Variants in NCAM2 observed in about 807,000 individuals in gnomAD.
NCAM2 encodes the protein N-CAM-2.
NCAM2 carries 30 observed loss-of-function variants against 98.1 expected under a neutral mutation model. The ratio of observed to expected loss-of-function variants is 0.31; its 90% CI spans 0.23 to 0.41. The LOEUF is 0.41. Among genes scored for constraint, NCAM2 ranks in the 10% least tolerant of loss-of-function variants. NCAM2 has a pLI of 1.00. For missense variants in NCAM2, 867 were observed against 1,005.8 expected (o/e 0.86, Z 1.87); for synonymous variants, 368 against 342.4 (o/e 1.07, Z -0.83).
At chr21:21,094,892 G>A (rs548526015) in intron 1 of NCAM2, among the ~76,000 whole-genome samples, 8 of 151,836 alleles carry the variant, frequency 5.3e-5, no homozygotes, top group Non-Finnish European at 7.4e-5. Flanking sequence ...AGTGCATAAT[G>A]AAGAATATTG....
intron 16 of NCAM2, among the ~76,000 whole-genome samples, chr21:21,521,212 G>C (rs950894021): frequency 3.9e-5 from 6 of 152,080 alleles, no homozygotes; most frequent in African/African-American, 1.2e-4. Flanking sequence ...GCTGTGGGAG[G>C]ATCTGAGAAA....
At chr21:21,225,955 C>T (rs1435167353) in intron 1 of NCAM2, among the ~76,000 whole-genome samples, 1 of 152,076 alleles carries the variant, frequency 6.6e-6, no homozygotes, top group Non-Finnish European at 1.5e-5. Context: ...GGTACATACA[C>T]ACCATAGAAT....
In NCAM2 at chr21:21,410,376, A is replaced by T; in HGVS notation, c.1298A>T (p.His433Leu). Residue 433 changes from histidine (H) to leucine (L), a missense_variant, in exon 10 of 18, where the codon CAC becomes CTC. Physicochemically the swap from His to Leu is moderately conservative, Grantham distance 99. This residue lies in a region of NCAM2 where 56 missense variants were observed against 39.6 expected (regional missense o/e 1.41). Coordinates refer to ENST00000400546, the MANE Select transcript of NCAM2 (RefSeq NM_004540.5). ...AAATCGAATCCACCAGCATCAATTC[A>T]CTGGAGAAGAGATAAATTAGTCTTA... The part of the protein sequence containing the change: ...DVKSNPPASI[H>L]WRRDKLVLPA... The T allele has an allele frequency of 1.9e-6, 3 of 1,601,532 alleles. No individual in the cohort carries two copies. The highest frequency in any genetic ancestry group is 2.6e-6 in the Non-Finnish European group (3 of 1,172,286).
chr21:21,358,142 GA>G (rs1184065971), intron 8 of NCAM2, among the ~76,000 whole-genome samples: 1 of 152,050 alleles, frequency 6.6e-6, no homozygotes, highest in Non-Finnish European at 1.5e-5. Flanking sequence ...ATTTTCATTC[GA>G]TGTGATGTTG....
At position 21,292,125 on chromosome 21, in the gene NCAM2, A is replaced by G; in HGVS notation, c.503A>G (p.Asn168Ser). Reference sequence around the variant, plus strand: ...CCAGATCGGTTCGCTATGTTAGCAAACAATAACCTGCAGATTCTCAACATC... The same window carrying G: ...CCAGATCGGTTCGCTATGTTAGCAAGCAATAACCTGCAGATTCTCAACATC... Reference protein sequence around the residue: ...ISDNRFAMLANNNLQILNINK... With the variant: ...ISDNRFAMLASNNLQILNINK... Residue 168 changes from asparagine (N) to serine (S), a missense_variant, in exon 5 of 18, where the codon AAC becomes AGC. Asn to Ser is a conservative substitution (Grantham distance 46). Coordinates refer to ENST00000400546, the MANE Select transcript of NCAM2 (RefSeq NM_004540.5). 1 of 1,610,630 alleles carries G rather than the reference A, an allele frequency of 6.2e-7. No homozygotes were observed. The highest frequency in any genetic ancestry group is 8.5e-7 in the Non-Finnish European group (1 of 1,178,214).
chr21:21,508,799 C>CT (rs1255792337), intron 15 of NCAM2, 52 bp from the exon 16 acceptor site: 38 of 1,020,140 alleles, frequency 3.7e-5, no homozygotes, highest in Non-Finnish European at 4.8e-5. Context: ...AGGTTTAATA[C>CT]TTTTTTTCCT....
At chr21:21,305,333 TAAC>T (rs1028345274) in intron 5 of NCAM2, among the ~76,000 whole-genome samples, 1 of 151,864 alleles carries the variant, frequency 6.6e-6, no homozygotes, top group Non-Finnish European at 1.5e-5. Context: ...ATAATAATAA[TAAC>T]AATAAAAATA....
intron 15 of NCAM2, among the ~76,000 whole-genome samples, chr21:21,494,315 T>C (rs1455685888): frequency 6.6e-6 from 1 of 151,916 alleles, no homozygotes. Flanking sequence ...AATAATTTTG[T>C]TTGTACAATG....
chr21:21,093,634 G>C (rs2066058784), intron 1 of NCAM2, among the ~76,000 whole-genome samples: 2 of 151,996 alleles, frequency 1.3e-5, no homozygotes, highest in East Asian at 1.9e-4. Context: ...TTCTAGAATT[G>C]CAGGTGTGAT....
intron 1 of NCAM2, among the ~76,000 whole-genome samples, chr21:21,179,339 T>A (rs1269958381): frequency 6.6e-6 from 1 of 152,198 alleles, no homozygotes; most frequent in Admixed American, 6.5e-5. Flanking sequence ...GTCTACTTAT[T>A]TCTTATGCTG....
At chr21:21,403,619 T>C (rs775421459) in intron 9 of NCAM2, among the ~76,000 whole-genome samples, 4 of 152,204 alleles carry the variant, frequency 2.6e-5, no homozygotes, top group Non-Finnish European at 4.4e-5. Context: ...TTTGAATTAT[T>C]AGTGTACAAT....
chr21:21,182,061 T>C (rs1024060215), intron 1 of NCAM2, among the ~76,000 whole-genome samples: 12 of 151,348 alleles, frequency 7.9e-5, no homozygotes, highest in Admixed American at 3.3e-4. Flanking sequence ...AAAATATTGC[T>C]CATTACTGTA....
intron 1 of NCAM2, among the ~76,000 whole-genome samples, chr21:21,261,448 A>C (rs1257955918): frequency 6.6e-6 from 1 of 152,110 alleles, no homozygotes; most frequent in African/African-American, 2.4e-5. Flanking sequence ...ATGCTTGGTA[A>C]TCAAGCCAGT....
At position 21,264,637 on chromosome 21, in the gene NCAM2, G is replaced by T. The variant is rs560024806; in HGVS notation, c.56-15941G>T. 1.0e-3 allele frequency among the ~76,000 whole-genome samples: 153 copies of T among 150,872 alleles called. 1 individual carries two copies. The highest frequency in any genetic ancestry group is 1.7e-3 in the Admixed American group (25 of 15,138). ...GGATTATATAAATGAAATGTGATGT[G>T]TATGTATGTGTGTGTGCATATATAT... On this transcript the variant is annotated intron_variant, in intron 1 of 17. Coordinates refer to ENST00000400546, the MANE Select transcript of NCAM2 (RefSeq NM_004540.5).
chr21:21,093,665 T>TA (rs1181079606), intron 1 of NCAM2, among the ~76,000 whole-genome samples: 1 of 151,966 alleles, frequency 6.6e-6, no homozygotes, highest in African/African-American at 2.4e-5. Flanking sequence ...TTTTTCTGCT[T>TA]AAAAAAATAG....
At position 21,442,326 on chromosome 21, in the gene NCAM2, G is replaced by C. The variant is rs573399334; in HGVS notation, c.1654+10045G>C. ...ATTCTAGACATATTTTAAAGGTAGT[G>C]TCCAGAGAATTTCCTTAGATGCGTA... On this transcript the variant is annotated intron_variant, in intron 12 of 17. Coordinates refer to ENST00000400546, the MANE Select transcript of NCAM2 (RefSeq NM_004540.5). 3.5e-4 allele frequency among the ~76,000 whole-genome samples: 54 copies of C among 152,262 alleles called. No individual in the cohort carries two copies. In the South Asian group the frequency reaches 0.011, roughly 30 times the overall value.
chr21:21,515,752 A>C (rs2146373769), intron 16 of NCAM2, among the ~76,000 whole-genome samples: 1 of 152,326 alleles, frequency 6.6e-6, no homozygotes. Context: ...AAGACACTAT[A>C]AACAATGACA....
chr21:21,246,047 G>A (rs995526169), intron 1 of NCAM2, among the ~76,000 whole-genome samples: 9 of 152,144 alleles, frequency 5.9e-5, no homozygotes, highest in Non-Finnish European at 5.9e-5. Context: ...ATAAATTATA[G>A]CTAAAATGAC....
chr21:21,098,280 G>GT (rs999079143), intron 1 of NCAM2, among the ~76,000 whole-genome samples: 1 of 151,586 alleles, frequency 6.6e-6, no homozygotes, highest in Non-Finnish European at 1.5e-5. Flanking sequence ...GTATTACTAT[G>GT]TAAACCCAAA....
Sources: gnomAD v4.1 joint callset for allele counts (sites outside exome capture counted in the v4.1 genomes callset) on GRCh38, gnomAD v4.1.1 for gene constraint, gnomAD v4.1.1 regional missense constraint, MANE v1.5 for transcripts, NCBI Gene and HGNC (gene_info 2026-07-23, HGNC 2026-07-21) for gene names.